Variants in FRMPD4 observed in about 807,000 individuals in gnomAD.
FRMPD4 encodes the protein FERM and PDZ domain containing 4.
In FRMPD4, 22 loss-of-function variants were observed where a neutral mutation model predicts 94.1. The observed-to-expected ratio is 0.23, with a 90% CI of 0.17 to 0.33. The LOEUF (loss-of-function observed/expected upper bound fraction) is 0.33. Ranked by LOEUF, FRMPD4 falls within the 10% of genes least tolerant of loss-of-function variation. The pLI, the probability that FRMPD4 is intolerant of heterozygous loss-of-function variation, is 1.00. For synonymous variants in FRMPD4, 631 were observed against 548.6 expected, an observed-to-expected ratio of 1.15 and a Z score of -2.10; for missense variants, 1,111 against 1,339.9, an observed-to-expected ratio of 0.83 and a Z score of 2.67.
At chrX:12,635,830 T>C (rs1020882371) in intron 4 of FRMPD4, among the ~76,000 whole-genome samples, 3 of 111,843 alleles carry the variant, frequency 2.7e-5, no homozygotes, top group East Asian at 2.8e-4. Context: ...TGGAAAGTTG[T>C]GAACAGAATC....
chrX:11,924,455 A>T (rs5935189), intron 3 of FRMPD4, among the ~76,000 whole-genome samples: 38,531 of 110,275 alleles, frequency 0.35, 5,467 homozygotes, highest in East Asian at 0.82. Context: ...ACACATAATC[A>T]TCAGATTCTC....
At chrX:12,449,292 C>T (rs1190548871) in intron 1 of FRMPD4, among the ~76,000 whole-genome samples, 1 of 112,129 alleles carries the variant, frequency 8.9e-6, no homozygotes, top group Non-Finnish European at 1.9e-5. Flanking sequence ...CTTTTTGATC[C>T]TCACTGTCCT....
chrX:12,620,947 G>A (rs867489050), intron 4 of FRMPD4, among the ~76,000 whole-genome samples: 7 of 112,432 alleles, frequency 6.2e-5, no homozygotes, highest in African/African-American at 2.3e-4. Context: ...AGGGCCGGGT[G>A]CAGTGACTCA....
chrX:12,075,555 T>C (rs1397983810), intron 3 of FRMPD4, among the ~76,000 whole-genome samples: 1 of 112,413 alleles, frequency 8.9e-6, no homozygotes, highest in East Asian at 2.8e-4. Flanking sequence ...TAAATTTTGG[T>C]TGGGTCCTCA....
chrX:11,902,526 C>A (rs935442382), intron 3 of FRMPD4, among the ~76,000 whole-genome samples: 2 of 111,731 alleles, frequency 1.8e-5, no homozygotes, highest in Non-Finnish European at 3.8e-5. Context: ...GGGACTCCAG[C>A]CTTATGAATT....
At chrX:12,188,856 TAA>T in intron 1 of FRMPD4, among the ~76,000 whole-genome samples, 1 of 111,775 alleles carries the variant, frequency 8.9e-6, no homozygotes, top group South Asian at 3.7e-4. Flanking sequence ...CAGTCTTATA[TAA>T]AGAGTCCAGC....
At chrX:12,405,958 C>T (rs887795801) in intron 1 of FRMPD4, among the ~76,000 whole-genome samples, 5 of 111,073 alleles carry the variant, frequency 4.5e-5, no homozygotes, top group African/African-American at 1.6e-4. Context: ...AAATACATAG[C>T]ATCATGATGG....
intron 3 of FRMPD4, among the ~76,000 whole-genome samples, chrX:12,082,314 G>C (rs1005376598): frequency 9.0e-6 from 1 of 111,571 alleles, no homozygotes; most frequent in Non-Finnish European, 1.9e-5. Context: ...GAATAAGTCT[G>C]ATGAGATCTG....
chrX:11,829,327 A>G (rs1251336370), intron 1 of FRMPD4, among the ~76,000 whole-genome samples: 1 of 111,923 alleles, frequency 8.9e-6, no homozygotes, highest in East Asian at 2.8e-4. Flanking sequence ...TTGATTACCT[A>G]TTGTCAGGCT....
chrX:12,305,724 A>ATTTTTTTTTTTTTTT (rs1264959011), intron 1 of FRMPD4, among the ~76,000 whole-genome samples: 7 of 44,233 alleles, frequency 1.6e-4, no homozygotes, highest in South Asian at 1.3e-3. Context: ...CAGCTGGCTA[A>ATTTTTTTTTTTTTTT]GTTTTTTTTT....
intron 1 of FRMPD4, among the ~76,000 whole-genome samples, chrX:12,451,234 C>T (rs778670580): frequency 2.7e-5 from 3 of 111,698 alleles, no homozygotes; most frequent in Non-Finnish European, 5.6e-5. Context: ...AGAGACCAGA[C>T]GTTTTGCCTT....
Position 12,163,556 on chromosome X carries a change from C to T in FRMPD4, c.41+24544C>T, listed in dbSNP as rs917822072. 1.1e-4 allele frequency among the ~76,000 whole-genome samples: 12 copies of T among 109,110 alleles called. No individual in the cohort carries two copies. In the East Asian group the frequency reaches 2.6e-3, roughly 23 times the overall value. 94.7% of individuals were successfully genotyped at this position (109,110 alleles called of 115,157 possible). ...GATAGCAGTCTTCATTCTAAGTTCC[C>T]TTACCTAGGTGAACTGCAGCCATTA... On this transcript the variant is annotated intron_variant, in intron 1 of 16. Coordinates refer to ENST00000675598, the MANE Select transcript of FRMPD4 (RefSeq NM_001368397.1).
At chrX:12,506,117 C>T (rs1369467085) in intron 2 of FRMPD4, among the ~76,000 whole-genome samples, 4 of 111,340 alleles carry the variant, frequency 3.6e-5, no homozygotes, top group Non-Finnish European at 7.5e-5. Flanking sequence ...TAAAGGGTGC[C>T]GCTGAGCACA....
chrX:11,880,264 A>T (rs186578865), intron 3 of FRMPD4, among the ~76,000 whole-genome samples: 43 of 111,492 alleles, frequency 3.9e-4, no homozygotes, highest in African/African-American at 1.4e-3. Flanking sequence ...TAAAATGAGG[A>T]TAATACCTAT....
rs375134946 is a variant in FRMPD4 at position 12,288,040 on chromosome X, G to A, written c.41+149028G>A. Among the ~76,000 whole-genome samples the A allele has an allele frequency of 3.0e-4, 34 of 111,731 alleles. No individual in the cohort carries two copies. The South Asian group carries it at 0.013, about 43-fold the overall frequency. On this transcript the variant is annotated intron_variant, in intron 1 of 16. Coordinates refer to ENST00000675598, the MANE Select transcript of FRMPD4 (RefSeq NM_001368397.1). ...CCTCCTCTGGCGACATCCAAAGTCA[G>A]ACAGAAGGGGTGGGTTTCTCCTCAC...
chrX:12,204,428 C>T (rs1325910604), intron 1 of FRMPD4, among the ~76,000 whole-genome samples: 1 of 111,909 alleles, frequency 8.9e-6, no homozygotes, highest in Non-Finnish European at 1.9e-5. Flanking sequence ...GATGCTGCTG[C>T]CTTAACTTCT....
chrX:12,356,314 G>A (rs59646628), intron 1 of FRMPD4, among the ~76,000 whole-genome samples: 3,571 of 112,107 alleles, frequency 0.032, 146 homozygotes, highest in African/African-American at 0.1. Flanking sequence ...ATTTTCTTCA[G>A]TAGCAAAATC....
At chrX:12,252,124 A>G (rs560843341) in intron 1 of FRMPD4, among the ~76,000 whole-genome samples, 5 of 112,269 alleles carry the variant, frequency 4.5e-5, no homozygotes, top group African/African-American at 1.3e-4. Context: ...TGGAGCAGCT[A>G]TAGGTGTCCC....
chrX:11,956,402 G>A (rs1374434188), intron 3 of FRMPD4, among the ~76,000 whole-genome samples: 1 of 111,591 alleles, frequency 9.0e-6, no homozygotes, highest in Admixed American at 9.5e-5. Context: ...TGGAGGGGAG[G>A]GGGGAGATTT....
Sources: allele counts gnomAD v4.1 joint callset (sites outside exome capture counted in the v4.1 genomes callset), GRCh38; gene constraint gnomAD v4.1.1; transcripts MANE v1.5; gene names NCBI Gene and HGNC (gene_info 2026-07-23, HGNC 2026-07-21).